TEK: variants seen among roughly 807,000 people sequenced by gnomAD.
The protein encoded by TEK is angiopoietin-1 receptor.
In TEK, 43 loss-of-function variants were observed where a neutral mutation model predicts 131.8. The ratio of observed to expected loss-of-function variants is 0.33; its 90% CI spans 0.26 to 0.42. The LOEUF (loss-of-function observed/expected upper bound fraction) is 0.42, where lower values mean the gene tolerates loss of function less well. Ranked by LOEUF, TEK falls within the 10% of genes least tolerant of loss-of-function variation. The pLI is 1.00. For missense variants in TEK, 1,162 were observed against 1,384.4 expected (o/e 0.84, Z 2.55); for synonymous variants, 580 against 491.6 (o/e 1.18, Z -2.38).
intron 1 of TEK, among the ~76,000 whole-genome samples, chr9:27,150,929 G>A (rs533166583): frequency 2.6e-5 from 4 of 152,266 alleles, no homozygotes; most frequent in African/African-American, 9.6e-5. Flanking sequence ...GTGCCATTTG[G>A]CTGGAAAGCA....
chr9:27,169,759 T>A, intron 4 of TEK, 130 bp downstream of exon 4: 1 of 1,262,996 alleles, frequency 7.9e-7, no homozygotes, highest in East Asian at 2.4e-5. Context: ...GTTGTATTAG[T>A]CTGTTCTTAT....
intron 18 of TEK, among the ~76,000 whole-genome samples, chr9:27,216,477 A>G (rs551829764): frequency 3.3e-5 from 5 of 152,210 alleles, no homozygotes; most frequent in Non-Finnish European, 7.3e-5. Context: ...AAGAAAACAG[A>G]TAACACTGTA....
chr9:27,165,020 C>T (rs1476836496), intron 2 of TEK, among the ~76,000 whole-genome samples: 3 of 152,200 alleles, frequency 2.0e-5, no homozygotes, highest in Non-Finnish European at 2.9e-5. Context: ...GGATTTCCTT[C>T]GTTAGTACTC....
intron 12 of TEK, among the ~76,000 whole-genome samples, chr9:27,199,846 C>G (rs182596054): frequency 6.6e-6 from 1 of 152,114 alleles, no homozygotes; most frequent in African/African-American, 2.4e-5. Context: ...GCTTTTAACC[C>G]ACAGACACTT....
intron 9 of TEK, among the ~76,000 whole-genome samples, chr9:27,186,124 T>C (rs1824590355): frequency 6.6e-6 from 1 of 152,234 alleles, no homozygotes. Context: ...AAGCCCAGGC[T>C]ATGCTATATA....
Position 27,192,461 on chromosome 9 carries a change from A to T in TEK, c.1490-28A>T, listed in dbSNP as rs752306102. 6 of 1,613,456 alleles carry T rather than the reference A, an allele frequency of 3.7e-6. No individual in the cohort carries two copies. The Admixed American group carries it at 5.0e-5, about 13-fold the overall frequency. ...AAGGAATGTAAGAGAATGCCAACTT[A>T]AGTTTCCTGGACGTTTTCTCTTCTC... On this transcript the variant is annotated intron_variant, in intron 10 of 22. Transcript: ENST00000380036.
At chr9:27,122,328 A>G (rs993795936) in intron 1 of TEK, among the ~76,000 whole-genome samples, 3 of 152,166 alleles carry the variant, frequency 2.0e-5, no homozygotes, top group African/African-American at 7.2e-5. Flanking sequence ...TCTCACCAGG[A>G]GGGTGACATT....
chr9:27,174,393 T>C (rs938314310), intron 6 of TEK, among the ~76,000 whole-genome samples: 9 of 152,230 alleles, frequency 5.9e-5, no homozygotes, highest in Admixed American at 1.3e-4. Flanking sequence ...TTTAAAATTT[T>C]CTAGTGTCCA....
At chr9:27,171,784 C>T (rs560168910) in intron 4 of TEK, among the ~76,000 whole-genome samples, 1 of 152,326 alleles carries the variant, frequency 6.6e-6, no homozygotes, top group East Asian at 1.9e-4. Context: ...GCTTGCCTCA[C>T]AGCTACCTTT....
rs1825358034 is a variant in TEK, at chr9:27,205,126, C to T, written c.2364+61C>T. ...AGTCCAAGTACAGGCAGAACCTTCA[C>T]TTTAAAGATATGGACCAGGAAATTT... On this transcript the variant is annotated intron_variant, in intron 14 of 22. Coordinates refer to ENST00000380036, the MANE Select transcript of TEK (RefSeq NM_000459.5). The T allele has an allele frequency of 1.2e-5, 20 of 1,600,436 alleles. No homozygotes were observed. In the South Asian group the frequency reaches 2.0e-4, roughly 16 times the overall value.
At chr9:27,220,859 C>A (rs182292560) in intron 21 of TEK, among the ~76,000 whole-genome samples, 1 of 152,214 alleles carries the variant, frequency 6.6e-6, no homozygotes, top group Non-Finnish European at 1.5e-5. Context: ...GTGGCCATTT[C>A]GGCAGACACC....
chr9:27,190,635 C>A lies in TEK; in HGVS notation c.1434C>A (p.Ser478=). 5 of 1,614,010 alleles carry A rather than the reference C, an allele frequency of 3.1e-6. No homozygotes were observed. The highest frequency in any genetic ancestry group is 4.2e-6 in the Non-Finnish European group (5 of 1,179,930). The change falls in exon 10 of 23, where the codon TCC becomes TCA. Residue 478 remains serine, a synonymous_variant. Coordinates refer to ENST00000380036, the MANE Select transcript of TEK (RefSeq NM_000459.5). ...ACTTTGGGGATGGACCAATCAAATC[C>A]AAGAAGCTTCTATACAAACCCGTTA... ...EPYFGDGPIK[S]KKLLYKPVNH... is the part of the protein sequence containing the mutation.
intron 6 of TEK, among the ~76,000 whole-genome samples, chr9:27,175,851 T>A (rs1824150122): frequency 6.6e-6 from 1 of 152,224 alleles, no homozygotes; most frequent in South Asian, 2.1e-4. Context: ...TTTTTTCTTG[T>A]AAATTTGTTT....
chr9:27,221,771 C>T (rs1226025029), intron 21 of TEK, among the ~76,000 whole-genome samples: 2 of 152,138 alleles, frequency 1.3e-5, no homozygotes, highest in African/African-American at 4.8e-5. Context: ...TAGATAAATC[C>T]ACGAAGATGG....
At chr9:27,190,405 G>T in intron 9 of TEK, 124 bp from the exon 10 acceptor site, 1 of 1,166,096 alleles carries the variant, frequency 8.6e-7, no homozygotes, top group Non-Finnish European at 1.2e-6. Context: ...ATCTCACTGA[G>T]TCTGAGCAGA....
Position 27,172,467 on chromosome 9 carries a change from A to G in TEK, c.629-149A>G, listed in dbSNP as rs574928192. On this transcript the variant is annotated intron_variant, in intron 4 of 22. Transcript: ENST00000380036. ...TCCTGTTTACATGTCTGTCTCCCATATTAGATGATGAGCTTTTAGAGAGCA... is the reference window on the plus strand; with the variant it reads ...TCCTGTTTACATGTCTGTCTCCCATGTTAGATGATGAGCTTTTAGAGAGCA... The G allele has an allele frequency of 4.3e-5, 48 of 1,106,846 alleles. No homozygotes were observed. The African/African-American group carries it at 6.2e-4, about 14-fold the overall frequency. 68.6% of individuals were successfully genotyped at this position (1,106,846 alleles called of 1,614,324 possible).
intron 18 of TEK, 82 bp downstream of exon 18, chr9:27,213,679 G>A: frequency 1.1e-5 from 11 of 1,021,464 alleles, no homozygotes; most frequent in Non-Finnish European, 1.7e-5. Context: ...GACTGTCAGT[G>A]CTCTGTGGTG....
chr9:27,164,220 G>A (rs1823643871), intron 2 of TEK, among the ~76,000 whole-genome samples: 1 of 152,048 alleles, frequency 6.6e-6, no homozygotes, highest in Non-Finnish European at 1.5e-5. Context: ...TAGGATAATT[G>A]TAGTACCTAT....
intron 1 of TEK, among the ~76,000 whole-genome samples, chr9:27,131,653 A>C (rs1288722518): frequency 6.6e-6 from 1 of 151,612 alleles, no homozygotes; most frequent in Non-Finnish European, 1.5e-5. Flanking sequence ...CTTAAAAAAA[A>C]AAAAAAAATT....
Sources: allele counts gnomAD v4.1 joint callset (sites outside exome capture counted in the v4.1 genomes callset), GRCh38; gene constraint gnomAD v4.1.1; transcripts MANE v1.5; gene names NCBI Gene and HGNC (gene_info 2026-07-23, HGNC 2026-07-21).